The following COX10 variants were observed in gnomAD, a reference collection of about 807,000 sequenced individuals.
The protein encoded by COX10 is cytochrome c oxidase assembly factor heme A:farnesyltransferase COX10, also known as protoheme IX farnesyltransferase, mitochondrial.
A neutral mutation model predicts 37.3 loss-of-function variants in COX10; 27 were observed. The observed-to-expected ratio is 0.72, with a 90% CI of 0.53 to 1.00. COX10 has a LOEUF of 1.00. Ranked by LOEUF, COX10 falls within the 50% of genes least tolerant of loss-of-function variation. The probability of loss-of-function intolerance (pLI) is 0.00; values close to 1 mark genes in which losing one functional copy is unlikely to be tolerated. For synonymous variants in COX10, 222 were observed against 229.1 expected, an observed-to-expected ratio of 0.97 and a Z score of 0.28; for missense variants, 475 against 563.2, an observed-to-expected ratio of 0.84 and a Z score of 1.59.
At chr17:14,189,694 C>G (rs1906143482) in intron 5 of COX10, among the ~76,000 whole-genome samples, 1 of 152,154 alleles carries the variant, frequency 6.6e-6, no homozygotes, top group Non-Finnish European at 1.5e-5. Flanking sequence ...ATAGTCTTTT[C>G]AGAATATGCA....
At chr17:14,172,047 C>T (rs1268840295) in intron 5 of COX10, among the ~76,000 whole-genome samples, 1 of 152,130 alleles carries the variant, frequency 6.6e-6, no homozygotes, top group Non-Finnish European at 1.5e-5. Flanking sequence ...ATCAGTTTTG[C>T]GTGGGTTATT....
intron 3 of COX10, among the ~76,000 whole-genome samples, chr17:14,095,525 G>A (rs2142195550): frequency 6.6e-6 from 1 of 152,206 alleles, no homozygotes. Context: ...CCTCATTACA[G>A]TACATATTAA....
intron 4 of COX10, among the ~76,000 whole-genome samples, chr17:14,113,977 T>TGG (rs1916059116): frequency 6.6e-6 from 1 of 152,184 alleles, no homozygotes; most frequent in South Asian, 2.1e-4. Context: ...TGAAATTCTT[T>TGG]GGCCTAATCG....
At chr17:14,134,776 G>GTT (rs201348544) in intron 4 of COX10, among the ~76,000 whole-genome samples, 63 of 142,176 alleles carry the variant, frequency 4.4e-4, no homozygotes, top group African/African-American at 1.6e-3. Flanking sequence ...TGCCCTCGGT[G>GTT]TTTTTTTTTT....
intron 3 of COX10, among the ~76,000 whole-genome samples, chr17:14,101,534 C>G (rs1286291847): frequency 6.6e-6 from 1 of 152,170 alleles, no homozygotes; most frequent in African/African-American, 2.4e-5. Flanking sequence ...CTTGAAATGT[C>G]TGGCTTTGAT....
At chr17:14,085,732 T>C (rs1015216598) in intron 3 of COX10, among the ~76,000 whole-genome samples, 2 of 152,216 alleles carry the variant, frequency 1.3e-5, no homozygotes, top group African/African-American at 4.8e-5. Flanking sequence ...GATAAATGTA[T>C]AGAAGTGGTC....
At chr17:14,071,818 T>G (rs1338787025) in intron 1 of COX10, among the ~76,000 whole-genome samples, 1 of 151,820 alleles carries the variant, frequency 6.6e-6, no homozygotes, top group African/African-American at 2.4e-5. Context: ...GTGAATCGCT[T>G]GAATCCAGGA....
Sources: gnomAD v4.1 joint callset for allele counts (sites outside exome capture counted in the v4.1 genomes callset) on GRCh38, gnomAD v4.1.1 for gene constraint, MANE v1.5 for transcripts, NCBI Gene and HGNC (gene_info 2026-07-23, HGNC 2026-07-21) for gene names.